DBF4: variants seen among roughly 807,000 people sequenced by gnomAD.
DBF4 encodes the protein protein DBF4 homolog A.
DBF4 carries 25 observed loss-of-function variants against 76.6 expected under a neutral mutation model. The ratio of observed to expected loss-of-function variants is 0.33; its 90% CI spans 0.24 to 0.46. DBF4 has a LOEUF of 0.46. DBF4 is among the 20% of genes least tolerant of loss of function. The pLI is 1.00. For missense variants in DBF4, 638 were observed against 760.8 expected (o/e 0.84, Z 1.90); for synonymous variants, 213 against 258.0 (o/e 0.83, Z 1.67).
rs142744232 is a variant in DBF4 at position 87,885,350 on chromosome 7, A to G, written c.399+192A>G. Among the ~76,000 whole-genome samples, 743 of 152,306 alleles carry G rather than the reference A, an allele frequency of 4.9e-3. 4 individuals are homozygous for G. Among genetic ancestry groups the G allele is most frequent in the African/African-American group, 0.017 (703 of 41,560 alleles). ...GGTTTTTCCTAATAGTTCTTGTGTA[A>G]TCATACTCTGATTGCTTAGGTATAC... is the stretch of plus-strand genomic sequence containing the variant. On this transcript the variant is annotated intron_variant, in intron 3 of 11. Coordinates refer to ENST00000265728, the MANE Select transcript of DBF4 (RefSeq NM_006716.4).
intron 6 of DBF4, among the ~76,000 whole-genome samples, chr7:87,888,632 C>T (rs1324423697): frequency 1.3e-5 from 2 of 152,162 alleles, no homozygotes; most frequent in African/African-American, 4.8e-5. Flanking sequence ...TAAAACCTCC[C>T]TTGATCCCAC....
chr7:87,899,515 A>G (rs1301203606), intron 8 of DBF4, among the ~76,000 whole-genome samples: 5 of 152,232 alleles, frequency 3.3e-5, no homozygotes, highest in Non-Finnish European at 5.9e-5. Flanking sequence ...GATGCTCAAC[A>G]TTACTAATCA....
chr7:87,883,073 C>T (rs765697077), intron 2 of DBF4, among the ~76,000 whole-genome samples: 9 of 152,070 alleles, frequency 5.9e-5, no homozygotes, highest in Non-Finnish European at 1.3e-4. Flanking sequence ...GTTGTATATA[C>T]ATACAATAGA....
intron 2 of DBF4, 136 bp from the exon 3 acceptor site, chr7:87,884,843 G>C: frequency 1.7e-6 from 1 of 591,556 alleles, no homozygotes; most frequent in African/African-American, 1.9e-5. Context: ...AGGCCAAGGC[G>C]GGAGGATCAC....
At chr7:87,885,265 A>G in intron 3 of DBF4, 107 bp downstream of exon 3, 1 of 959,446 alleles carries the variant, frequency 1.0e-6, no homozygotes, top group South Asian at 1.9e-5. Flanking sequence ...GAACATTTGC[A>G]AAGCCACATG....
intron 4 of DBF4, 42 bp downstream of exon 4, chr7:87,886,936 T>C (rs755610509): frequency 1.5e-6 from 2 of 1,316,616 alleles, no homozygotes; most frequent in Non-Finnish European, 1.1e-6. Flanking sequence ...CATTTTGTTA[T>C]TAAAAACTCA....
intron 3 of DBF4, among the ~76,000 whole-genome samples, 190 bp downstream of exon 3, chr7:87,885,348 T>A (rs56849945): frequency 2.0e-5 from 3 of 152,246 alleles, no homozygotes; most frequent in East Asian, 1.9e-4. Flanking sequence ...AGTTCTTGTG[T>A]AATCATACTC....
At position 87,876,510 on chromosome 7, in the gene DBF4, A is replaced by T. The variant is rs961392047; in HGVS notation, c.-223A>T. 3 of 529,206 alleles carry T rather than the reference A, an allele frequency of 5.7e-6. No individual in the cohort carries two copies. The highest frequency in any genetic ancestry group is 6.3e-5 in the Admixed American group (2 of 31,512). The allele number at this position is 529,206 out of a possible 1,614,324, so 32.8% of individuals were successfully genotyped here. A position where few individuals can be genotyped will look rare whatever the true frequency, so the allele number is the denominator to read the frequency against. ...GCGTTTTCAAATCTTCAACCGCCGC[A>T]GCCCACTCGTTTGTGCTTTGCGCCT... On this transcript the variant is annotated 5_prime_UTR_variant, in exon 1 of 12. Transcript: ENST00000265728.
rs142896228 is a variant in DBF4 at position 87,881,772 on chromosome 7, T to C, written c.220-3207T>C. 2.4e-3 allele frequency among the ~76,000 whole-genome samples: 373 copies of C among 152,362 alleles called. 1 individual carries two copies. The highest frequency in any genetic ancestry group is 8.3e-3 in the African/African-American group (344 of 41,580). ...CTGAATAATTTATGTTAGAGTGTTG[T>C]CAATGCTTTGACAGAAATATGTAGA... is the stretch of plus-strand genomic sequence containing the variant. On this transcript the variant is annotated intron_variant, in intron 2 of 11. Transcript: ENST00000265728.
chr7:87,892,377 T>C (rs529977783), intron 6 of DBF4, among the ~76,000 whole-genome samples: 1 of 152,348 alleles, frequency 6.6e-6, no homozygotes, highest in African/African-American at 2.4e-5. Context: ...TTTCACTTGG[T>C]AATGCTTATT....
chr7:87,897,202 T>A, intron 7 of DBF4, 92 bp from the exon 8 acceptor site: 1 of 1,224,674 alleles, frequency 8.2e-7, no homozygotes, highest in Non-Finnish European at 1.2e-6. Flanking sequence ...AGTTTTTTGT[T>A]TGGAGGGTTT....
chr7:87,907,365 C>T lies in DBF4; in HGVS notation c.1227C>T (p.Leu409=). ...AGACCCAGGAAACTGAAAAAAAGCT[C>T]CTGTTTATTTCAGAGCCCATCCCCC... is the stretch of plus-strand genomic sequence containing the variant. The part of the protein sequence containing the change: ...YKETQETEKK[L]LFISEPIPHP... The change falls in exon 12 of 12, where the codon CTC becomes CTT. Residue 409 remains leucine, a synonymous_variant. Coordinates refer to ENST00000265728, the MANE Select transcript of DBF4 (RefSeq NM_006716.4). 1.2e-6 allele frequency: 2 copies of T among 1,613,954 alleles called. No homozygotes were observed. The highest frequency in any genetic ancestry group is 1.7e-6 in the Non-Finnish European group (2 of 1,179,908).
At position 87,907,993 on chromosome 7, in the gene DBF4, C is replaced by T. The variant is rs763006800; in HGVS notation, c.1855C>T (p.Leu619=). The T allele has an allele frequency of 1.2e-6, 2 of 1,613,722 alleles. No individual in the cohort carries two copies. Among genetic ancestry groups the T allele is most frequent in the Non-Finnish European group, 1.7e-6 (2 of 1,179,762 alleles). Residue 619 remains leucine (L), a synonymous_variant, in exon 12 of 12, where the codon CTA becomes TTA. Transcript: ENST00000265728. ...TTGTAGTTCACCGGTACAGTCTTTACTAGACTTGTTTCAGACTAGTGAAGA... is the reference window on the plus strand; with the variant it reads ...TTGTAGTTCACCGGTACAGTCTTTATTAGACTTGTTTCAGACTAGTGAAGA... The part of the protein sequence containing the change: ...RICSSPVQSL[L]DLFQTSEEKS...
chr7:87,885,289 T>C, intron 3 of DBF4, 131 bp downstream of exon 3: 1 of 681,026 alleles, frequency 1.5e-6, no homozygotes, highest in South Asian at 2.8e-5. Context: ...TGTGGCTCTC[T>C]AGTCCTCAAT....
At chr7:87,892,033 T>C (rs1839505497) in intron 6 of DBF4, among the ~76,000 whole-genome samples, 1 of 152,216 alleles carries the variant, frequency 6.6e-6, no homozygotes, top group South Asian at 2.1e-4. Flanking sequence ...TACATACTCC[T>C]TGTCCTAACA....
intron 6 of DBF4, among the ~76,000 whole-genome samples, chr7:87,893,216 A>G (rs2131059530): frequency 6.7e-6 from 1 of 149,490 alleles, no homozygotes; most frequent in Non-Finnish European, 1.5e-5. Context: ...CTGTTGTTGG[A>G]TATGTACACA....
intron 6 of DBF4, among the ~76,000 whole-genome samples, chr7:87,894,647 A>G (rs1839585119): frequency 6.6e-6 from 1 of 152,122 alleles, no homozygotes; most frequent in Non-Finnish European, 1.5e-5. Flanking sequence ...ATTCTCTGAG[A>G]TATCCTTCAT....
In DBF4 at chr7:87,883,901, A is replaced by G. The variant is rs151163441; in HGVS notation, c.220-1078A>G. Among the ~76,000 whole-genome samples, 10 of 152,328 alleles carry G rather than the reference A, an allele frequency of 6.6e-5. 1 individual carries two copies. The South Asian group carries it at 1.9e-3, about 28-fold the overall frequency. On this transcript the variant is annotated intron_variant, in intron 2 of 11. Transcript: ENST00000265728. Reference sequence around the variant, plus strand: ...TATTTATAGTATACATATTTATACTATGTATTTTTCTAATAATATTAGTAA... The same window carrying G: ...TATTTATAGTATACATATTTATACTGTGTATTTTTCTAATAATATTAGTAA...
intron 6 of DBF4, among the ~76,000 whole-genome samples, chr7:87,888,975 A>G (rs1359728774): frequency 6.6e-5 from 10 of 152,244 alleles, no homozygotes; most frequent in Non-Finnish European, 1.5e-4. Context: ...ATAAGAGTGT[A>G]TATAGAGACA....
Sources: gnomAD v4.1 joint callset for allele counts (sites outside exome capture counted in the v4.1 genomes callset) on GRCh38, gnomAD v4.1.1 for gene constraint, MANE v1.5 for transcripts, NCBI Gene and HGNC (gene_info 2026-07-23, HGNC 2026-07-21) for gene names.